PPFIA2: variants seen among roughly 807,000 people sequenced by gnomAD.
The protein encoded by PPFIA2 is PPFI scaffold protein A2.
PPFIA2 carries 46 observed loss-of-function variants against 175.5 expected under a neutral mutation model. The observed-to-expected ratio is 0.26, with a 90% CI of 0.21 to 0.34. The LOEUF (loss-of-function observed/expected upper bound fraction) is 0.34, where lower values mean the gene tolerates loss of function less well. PPFIA2 is among the 10% of genes least tolerant of loss of function. The pLI, the probability that PPFIA2 is intolerant of heterozygous loss-of-function variation, is 1.00. For missense variants in PPFIA2, 1,179 were observed against 1,506.1 expected, an observed-to-expected ratio of 0.78 and a Z score of 3.60; for synonymous variants, 568 against 511.4, an observed-to-expected ratio of 1.11 and a Z score of -1.49.
At chr12:81,677,578 A>G (rs2072787772) in intron 3 of PPFIA2, among the ~76,000 whole-genome samples, 1 of 151,892 alleles carries the variant, frequency 6.6e-6, no homozygotes, top group Non-Finnish European at 1.5e-5. Context: ...TAGCTCTTAC[A>G]TATGAGTAAG....
intron 28 of PPFIA2, among the ~76,000 whole-genome samples, chr12:81,273,342 G>C (rs767674292): frequency 3.3e-5 from 5 of 152,106 alleles, no homozygotes; most frequent in African/African-American, 1.2e-4. Flanking sequence ...TCCGTTCCCT[G>C]CTTCTCTGTT....
intron 4 of PPFIA2, among the ~76,000 whole-genome samples, chr12:81,568,350 T>C (rs2153408606): frequency 6.6e-6 from 1 of 152,330 alleles, no homozygotes. Context: ...GTTTGTCTGA[T>C]GGTGGGTCTC....
intron 19 of PPFIA2, among the ~76,000 whole-genome samples, chr12:81,341,983 G>GA (rs2058173242): frequency 6.6e-6 from 1 of 151,896 alleles, no homozygotes; most frequent in African/African-American, 2.4e-5. Flanking sequence ...TGGTTTGTAA[G>GA]AAAAAAATCT....
intron 3 of PPFIA2, among the ~76,000 whole-genome samples, chr12:81,696,515 C>T (rs1210376353): frequency 6.6e-6 from 1 of 152,136 alleles, no homozygotes. Flanking sequence ...TTAATTTACA[C>T]ACTTATGAAG....
chr12:81,738,934 A>G (rs114723844), intron 3 of PPFIA2, among the ~76,000 whole-genome samples: 2 of 151,904 alleles, frequency 1.3e-5, no homozygotes, highest in Non-Finnish European at 2.9e-5. Context: ...CTCTAATACT[A>G]TTACTACTAG....
chr12:81,634,047 T>C (rs1054422443), intron 4 of PPFIA2, among the ~76,000 whole-genome samples: 1 of 152,072 alleles, frequency 6.6e-6, no homozygotes, highest in African/African-American at 2.4e-5. Flanking sequence ...AGTTAAAATG[T>C]TACATTAATT....
In PPFIA2 at chr12:81,663,290, C is replaced by T. The variant is rs545549574; in HGVS notation, c.303+13501G>A. Among the ~76,000 whole-genome samples the T allele has an allele frequency of 4.2e-4, 64 of 152,162 alleles. No individual in the cohort carries two copies. The South Asian group carries it at 0.01, about 25-fold the overall frequency. ...GACATGATTGTATATCTAGAAAACC[C>T]CATCGTCTCAGCCCAAAACCTCCTT... On this transcript the variant is annotated intron_variant, in intron 4 of 32. Transcript: ENST00000549396.
intron 21 of PPFIA2, among the ~76,000 whole-genome samples, chr12:81,333,598 T>C (rs573281310): frequency 1.2e-3 from 179 of 152,264 alleles, no homozygotes; most frequent in African/African-American, 4.1e-3. Context: ...TTAATCAATA[T>C]TGACTTTAGA....
intron 4 of PPFIA2, among the ~76,000 whole-genome samples, chr12:81,529,736 G>T (rs991302999): frequency 2.6e-5 from 4 of 151,960 alleles, no homozygotes; most frequent in Non-Finnish European, 4.4e-5. Context: ...CTGACTACTT[G>T]TTGCATGGTC....
Position 81,341,226 on chromosome 12 carries a change from A to G in PPFIA2, c.2263-18T>C. 3 of 1,607,946 alleles carry G rather than the reference A, an allele frequency of 1.9e-6. No individual in the cohort carries two copies. The highest frequency in any genetic ancestry group is 2.6e-6 in the Non-Finnish European group (3 of 1,176,214). On this transcript the variant is annotated intron_variant, in intron 19 of 32. Coordinates refer to ENST00000549396, the MANE Select transcript of PPFIA2 (RefSeq NM_003625.5). ...ACTGCAATCTAGAAGCAAAAACAATACATTCAAATAAACCCTTTCTAAATT... is the reference window on the plus strand; with the variant it reads ...ACTGCAATCTAGAAGCAAAAACAATGCATTCAAATAAACCCTTTCTAAATT...
At position 81,328,098 on chromosome 12, in the gene PPFIA2, T is replaced by C. The variant is rs192946208; in HGVS notation, c.2549-2228A>G. 5.1e-3 allele frequency among the ~76,000 whole-genome samples: 779 copies of C among 152,282 alleles called. 5 individuals are homozygous for C. The highest frequency in any genetic ancestry group is 9.0e-3 in the Non-Finnish European group (611 of 68,024). ...AAACACTTCTGAGGGAGGACATTTT[T>C]TCACAGAATTGACCTAGCTGCTTCA... On this transcript the variant is annotated intron_variant, in intron 21 of 32. Transcript: ENST00000549396.
intron 3 of PPFIA2, among the ~76,000 whole-genome samples, chr12:81,738,937 A>G (rs2081987604): frequency 6.6e-6 from 1 of 151,958 alleles, no homozygotes; most frequent in South Asian, 2.1e-4. Flanking sequence ...TAATACTATT[A>G]CTACTAGTAA....
At position 81,273,233 on chromosome 12, in the gene PPFIA2, TC is replaced by T. The variant is rs1362048769; in HGVS notation, c.3310+4083del. Among the ~76,000 whole-genome samples, 8 of 152,190 alleles carry T rather than the reference TC, an allele frequency of 5.3e-5. No individual in the cohort carries two copies. The South Asian group carries it at 1.7e-3, about 32-fold the overall frequency. On this transcript the variant is annotated intron_variant, in intron 28 of 32. Coordinates refer to ENST00000549396, the MANE Select transcript of PPFIA2 (RefSeq NM_003625.5). The stretch of plus-strand genomic sequence containing the variant: ...AGAGGAGTATTGTATAAATGGTCAG[TC>T]TTACTTATTTTATTATTACTATGTT...
intron 3 of PPFIA2, among the ~76,000 whole-genome samples, chr12:81,732,173 A>G (rs2080998258): frequency 6.6e-6 from 1 of 151,586 alleles, no homozygotes; most frequent in South Asian, 2.1e-4. Context: ...CTTCAGGCAA[A>G]GTGATGAAAT....
At chr12:81,285,540 G>A (rs1320905125) in intron 24 of PPFIA2, among the ~76,000 whole-genome samples, 2 of 151,916 alleles carry the variant, frequency 1.3e-5, no homozygotes, top group South Asian at 2.1e-4. Flanking sequence ...ACTACATACC[G>A]ACATTGTAGT....
intron 4 of PPFIA2, among the ~76,000 whole-genome samples, chr12:81,591,502 C>T (rs1486271384): frequency 6.6e-6 from 1 of 152,146 alleles, no homozygotes; most frequent in African/African-American, 2.4e-5. Context: ...TTTGTGGCAG[C>T]CCCTCTCATC....
intron 3 of PPFIA2, among the ~76,000 whole-genome samples, chr12:81,699,549 AAAAC>A (rs1379384594): frequency 9.1e-6 from 1 of 109,416 alleles, no homozygotes; most frequent in Non-Finnish European, 2.4e-5. Context: ...TATCCTCTCT[AAAAC>A]AAAAAAAAAA....
chr12:81,714,600 G>C (rs1040246499), intron 3 of PPFIA2, among the ~76,000 whole-genome samples: 1 of 151,106 alleles, frequency 6.6e-6, no homozygotes, highest in East Asian at 2.0e-4. Context: ...AGTGGTTATA[G>C]AAAGAAAAGG....
chr12:81,704,407 T>C (rs1406965988), intron 3 of PPFIA2, among the ~76,000 whole-genome samples: 1 of 152,152 alleles, frequency 6.6e-6, no homozygotes, highest in Non-Finnish European at 1.5e-5. Context: ...AAGGTTATAA[T>C]ATTTTAGAGG....
Sources: allele counts gnomAD v4.1 joint callset (sites outside exome capture counted in the v4.1 genomes callset), GRCh38; gene constraint gnomAD v4.1.1; transcripts MANE v1.5; gene names NCBI Gene and HGNC (gene_info 2026-07-23, HGNC 2026-07-21).